The following PRH1 variants were observed in gnomAD, a reference collection of about 807,000 sequenced individuals.
PRH1 encodes the protein salivary acidic proline-rich phosphoprotein 1/2.
A neutral mutation model predicts 7.9 loss-of-function variants in PRH1; 7 were observed. The observed-to-expected ratio is 0.89, with a 90% confidence interval of 0.50 to 1.67. The LOEUF (loss-of-function observed/expected upper bound fraction) is 1.67, where lower values mean the gene tolerates loss of function less well. Ranked by LOEUF, PRH1 falls within the 40% of genes most tolerant of loss-of-function variation. The pLI is 0.00. For missense variants in PRH1, 109 were observed against 223.6 expected (o/e 0.49, Z 3.27); for synonymous variants, 45 against 80.8 (o/e 0.56, Z 2.38).
intron 1 of PRH1, among the ~76,000 whole-genome samples, chr12:11,096,337 T>C (rs1945067936): frequency 1.7e-5 from 2 of 116,102 alleles, no homozygotes; most frequent in Admixed American, 1.7e-4. Flanking sequence ...GTTAACGCTA[T>C]TGGATTCTCA....
chr12:11,059,429 A>G (rs1448615899), intron 1 of PRH1, among the ~76,000 whole-genome samples: 1 of 150,468 alleles, frequency 6.6e-6, no homozygotes, highest in Non-Finnish European at 1.5e-5. Context: ...CAGGTAATAC[A>G]TAAAAAACAT....
At position 11,086,641 on chromosome 12, in the gene PRH1, C is replaced by T. The variant is rs187279246; in HGVS notation, n.124-39453G>A. On this transcript the variant is annotated intron_variant and non_coding_transcript_variant, in intron 1 of 4. Coordinates refer to the PRH1 transcript ENST00000541977. ...TAAAAAGGAGACGATAGGCCGGGTGCGGTGGCTCAGGCCTGTAATCCCAGC... is the reference window on the plus strand; with the variant it reads ...TAAAAAGGAGACGATAGGCCGGGTGTGGTGGCTCAGGCCTGTAATCCCAGC... Among the ~76,000 whole-genome samples the T allele has an allele frequency of 1.1e-3, 158 of 143,840 alleles. 3 individuals carry two copies. The highest frequency in any genetic ancestry group is 3.8e-3 in the African/African-American group (151 of 39,600). The allele number at this position is 143,840 out of a possible 152,430, so 94.4% of individuals were successfully genotyped here. A position where few individuals can be genotyped will look rare whatever the true frequency, so the allele number is the denominator to read the frequency against.
intron 1 of PRH1, among the ~76,000 whole-genome samples, chr12:11,046,407 G>A (rs1398014412): frequency 6.6e-6 from 1 of 152,048 alleles, no homozygotes; most frequent in East Asian, 1.9e-4. Context: ...CAGAAGTTGG[G>A]GCTCCCCTTT....
intron 2 of PRH1, among the ~76,000 whole-genome samples, chr12:10,972,932 A>ACCCCCCCCC (rs545868427): frequency 5.6e-4 from 44 of 79,064 alleles, no homozygotes; most frequent in East Asian, 1.6e-3. Context: ...ACCACAACCC[A>ACCCCCCCCC]CCCCCCCCGC....
intron 1 of PRH1, among the ~76,000 whole-genome samples, chr12:11,089,288 T>C (rs1944803783): frequency 8.6e-6 from 1 of 115,648 alleles, no homozygotes; most frequent in South Asian, 2.4e-4. Context: ...ACAACAGAGA[T>C]GATAGTTCTG....
intron 1 of PRH1, among the ~76,000 whole-genome samples, chr12:11,138,991 G>A (rs959819753): frequency 2.0e-5 from 3 of 152,140 alleles, no homozygotes; most frequent in Admixed American, 1.3e-4. Context: ...ATTGAGCCGC[G>A]ATTGCACTTG....
At chr12:11,071,189 T>C (rs186570665) in intron 1 of PRH1, among the ~76,000 whole-genome samples, 4,078 of 151,078 alleles carry the variant, frequency 0.027, 86 homozygotes, top group Non-Finnish European at 0.04. Flanking sequence ...ACAGAATTTT[T>C]ACCTCCAGGA....
rs1939434195 is a variant in PRH1, at chr12:10,983,062, G to T, written c.-125-9341C>A. Among the ~76,000 whole-genome samples, 3 of 152,282 alleles carry T rather than the reference G, an allele frequency of 2.0e-5. No homozygotes were observed. The South Asian group carries it at 6.2e-4, about 32-fold the overall frequency. ...ATATAGAGTCTGGCCCAAGTTGCTT[G>T]GCCATTGTGCCAGATGATGTAACAG... On this transcript the variant is annotated intron_variant, in intron 1 of 3. Coordinates refer to the PRH1 transcript ENST00000539853.
intron 1 of PRH1, among the ~76,000 whole-genome samples, chr12:11,152,964 T>C (rs929571146): frequency 2.6e-5 from 4 of 152,206 alleles, no homozygotes; most frequent in African/African-American, 7.2e-5. Context: ...TGTCTGGTAT[T>C]AGTTGTCTCA....
intron 1 of PRH1, among the ~76,000 whole-genome samples, chr12:11,038,025 G>C (rs1317764814): frequency 6.6e-6 from 1 of 152,244 alleles, no homozygotes; most frequent in Admixed American, 6.5e-5. Flanking sequence ...CTGGGCAACA[G>C]AGTGAGACGC....
At chr12:10,978,699 T>C (rs1045252347) in intron 1 of PRH1, among the ~76,000 whole-genome samples, 2 of 152,094 alleles carry the variant, frequency 1.3e-5, no homozygotes, top group African/African-American at 2.4e-5. Context: ...CTATTCAGAA[T>C]CTATAAGGAA....
chr12:10,912,714 C>A (rs1949917718), intron 2 of PRH1, among the ~76,000 whole-genome samples: 1 of 151,772 alleles, frequency 6.6e-6, no homozygotes, highest in East Asian at 1.9e-4. Context: ...TAAATATTTT[C>A]TAAATTTATT....
At chr12:11,110,350 C>CAAAAAT (rs954901892) in intron 1 of PRH1, among the ~76,000 whole-genome samples, 7 of 151,912 alleles carry the variant, frequency 4.6e-5, no homozygotes, top group Admixed American at 4.6e-4. Flanking sequence ...GAAGAGCACC[C>CAAAAAT]AAAAATACAT....
intron 2 of PRH1, among the ~76,000 whole-genome samples, chr12:10,901,911 G>C (rs1042219898): frequency 3.3e-5 from 5 of 152,082 alleles, no homozygotes; most frequent in Admixed American, 3.3e-4. Context: ...AGTATTGCCA[G>C]AGGAGGAGGA....
chr12:11,170,669 G>A (rs192705954), intron 1 of PRH1, among the ~76,000 whole-genome samples: 1 of 152,208 alleles, frequency 6.6e-6, no homozygotes, highest in Non-Finnish European at 1.5e-5. Flanking sequence ...CAGCTAATCT[G>A]AACTTTTTAA....
At chr12:10,956,985 G>T (rs886927807) in intron 2 of PRH1, among the ~76,000 whole-genome samples, 2 of 151,810 alleles carry the variant, frequency 1.3e-5, no homozygotes, top group African/African-American at 4.8e-5. Context: ...TGCCCATACT[G>T]CCCAAACCAA....
chr12:10,888,262 G>C (rs1020507344), upstream of PRH1, among the ~76,000 whole-genome samples: 1 of 152,026 alleles, frequency 6.6e-6, no homozygotes, highest in Non-Finnish European at 1.5e-5. Flanking sequence ...CAATTGATTC[G>C]CAAATGTAAT....
intron 1 of PRH1, among the ~76,000 whole-genome samples, chr12:11,039,862 T>C (rs997541222): frequency 6.6e-5 from 10 of 152,208 alleles, no homozygotes; most frequent in African/African-American, 1.9e-4. Flanking sequence ...CCCTCATGGA[T>C]AGAAGGAATT....
intron 1 of PRH1, among the ~76,000 whole-genome samples, chr12:11,155,940 T>G (rs1317306339): frequency 6.6e-5 from 10 of 152,170 alleles, no homozygotes. Context: ...ATTTAATCTT[T>G]TCACCTTCAC....
Sources: gnomAD v4.1 joint callset for allele counts (sites outside exome capture counted in the v4.1 genomes callset) on GRCh38, gnomAD v4.1.1 for gene constraint, MANE v1.5 for transcripts, NCBI Gene and HGNC (gene_info 2026-07-23, HGNC 2026-07-21) for gene names.